The following SNAI3 variants were observed in gnomAD, a reference collection of about 807,000 sequenced individuals.
SNAI3 encodes zinc finger protein SNAI3.
In SNAI3, 21 loss-of-function variants were observed where a neutral mutation model predicts 16.4. The ratio of observed to expected loss-of-function variants is 1.28; its 90% CI spans 0.91 to 1.85. The LOEUF (loss-of-function observed/expected upper bound fraction) is 1.85, where lower values mean the gene tolerates loss of function less well. Among genes scored for constraint, SNAI3 ranks in the 40% most tolerant of loss-of-function variants. SNAI3 has a pLI of 0.00. For synonymous variants in SNAI3, 202 were observed against 166.6 expected, an observed-to-expected ratio of 1.21 and a Z score of -1.64; for missense variants, 457 against 372.8, an observed-to-expected ratio of 1.23 and a Z score of -1.86.
intron 2 of SNAI3, among the ~76,000 whole-genome samples, chr16:88,680,560 T>C (rs1437610911): frequency 6.6e-6 from 1 of 151,816 alleles, no homozygotes; most frequent in Non-Finnish European, 1.5e-5. Flanking sequence ...GCTGGGATTA[T>C]AGGCGTGAGC....
At position 88,678,494 on chromosome 16, in the gene SNAI3, GAC is replaced by G; in HGVS notation, c.831_832del (p.Met277IlefsTer7). 1.3e-6 allele frequency: 1 copy of G among 781,666 alleles called. No individual in the cohort carries two copies. The highest frequency in any genetic ancestry group is 1.3e-5 in the South Asian group (1 of 74,654). The allele number at this position is 781,666 out of a possible 1,614,324, so 48.4% of individuals were successfully genotyped here. A position where few individuals can be genotyped will look rare whatever the true frequency, so the allele number is the denominator to read the frequency against. ...AGACTCCTCATGCCGCGCCAGGAGG[GAC>G]ATGCGGGAGAAGGTCTTGGTGCAGC... is the stretch of plus-strand genomic sequence containing the variant. On this transcript the variant is annotated frameshift_variant, in exon 3 of 3. Transcript: ENST00000332281. LOFTEE classifies it low-confidence loss of function (END_TRUNC).
rs778704462 is a variant in SNAI3, at chr16:88,686,402, G to A, written c.5C>T (p.Pro2Leu). The A allele has an allele frequency of 5.0e-6, 8 of 1,610,842 alleles. No individual in the cohort carries two copies. Among genetic ancestry groups the A allele is most frequent in the Middle Eastern group, 1.6e-4 (1 of 6,084 alleles). The change falls in exon 1 of 3, where the codon CCG becomes CTG. Residue 2 changes from proline (P) to leucine (L), a missense_variant. Pro to Leu is a moderately conservative substitution (Grantham distance 98). Transcript: ENST00000332281. ...GTGCGTTTTCACCAGGAAGGAGCGC[G>A]GCATGTTCCCCTCCCGGGCGGCAGG... M[P>L]RSFLVKTHSS... is the part of the protein sequence containing the mutation.
At chr16:88,682,792 T>TTTTTTTTTTTTG (rs1555545991) in intron 1 of SNAI3, among the ~76,000 whole-genome samples, 1 of 119,502 alleles carries the variant, frequency 8.4e-6, no homozygotes, top group Admixed American at 9.2e-5. Context: ...TTTTTTTTTT[T>TTTTTTTTTTTTG]AGAGACGGAG....
intron 1 of SNAI3, among the ~76,000 whole-genome samples, chr16:88,682,762 ATTT>A (rs71158747): frequency 0.013 from 817 of 60,574 alleles, 16 homozygotes; most frequent in East Asian, 0.084. Context: ...TGGGCAAGGG[ATTT>A]TTTTTTTTTT....
At position 88,681,216 on chromosome 16, in the gene SNAI3, T is replaced by C; in HGVS notation, c.575A>G (p.Tyr192Cys). ...VFTCKYCDKEYTSLGALKMHI... is the reference protein window; with the variant it reads ...VFTCKYCDKECTSLGALKMHI... ...CATCTTGAGGGCACCCAGGCTGGTGTACTCCTTGTCGCAGTACTTGCAGGT... is the reference window on the plus strand; with the variant it reads ...CATCTTGAGGGCACCCAGGCTGGTGCACTCCTTGTCGCAGTACTTGCAGGT... The change falls in exon 2 of 3, where the codon TAC becomes TGC. Residue 192 changes from tyrosine (Y) to cysteine (C), a missense_variant. Transcript: ENST00000332281. The surrounding 1 kb of genome is among the most constrained non-coding windows in gnomAD (Gnocchi z 5.4). The C allele has an allele frequency of 1.2e-6, 2 of 1,613,790 alleles. No homozygotes were observed. The highest frequency in any genetic ancestry group is 1.7e-6 in the Non-Finnish European group (2 of 1,179,988).
chr16:88,680,976 C>A lies in SNAI3; in HGVS notation c.697+118G>T. The A allele has an allele frequency of 4.3e-6, 6 of 1,398,408 alleles. No homozygotes were observed. In the South Asian group the frequency reaches 8.4e-5, roughly 20 times the overall value. 86.6% of individuals were successfully genotyped at this position (1,398,408 alleles called of 1,614,324 possible). On this transcript the variant is annotated intron_variant, in intron 2 of 2. Transcript: ENST00000332281. The stretch of plus-strand genomic sequence containing the variant: ...GTACAGATAAGTCAAAAGGCAGAAG[C>A]TGAATGTGAATGCCCATGCTATTGT...
chr16:88,679,526 C>T (rs1001668554), intron 2 of SNAI3, among the ~76,000 whole-genome samples: 3 of 151,840 alleles, frequency 2.0e-5, no homozygotes, highest in Admixed American at 6.6e-5. Flanking sequence ...CTTTGGGAGG[C>T]CGAGGCGGGT....
intron 1 of SNAI3, among the ~76,000 whole-genome samples, chr16:88,684,930 T>C (rs1909304718): frequency 6.6e-6 from 1 of 152,088 alleles, no homozygotes; most frequent in Non-Finnish European, 1.5e-5. Context: ...GGCAGAAAGT[T>C]GCCAGGGCCC....
At position 88,678,609 on chromosome 16, in the gene SNAI3, A is replaced by G. The variant is rs756830843; in HGVS notation, c.718T>C (p.Ser240Pro). 100 of 1,179,278 alleles carry G rather than the reference A, an allele frequency of 8.5e-5. No homozygotes were observed. In the Middle Eastern group the frequency reaches 9.6e-4, roughly 11 times the overall value. The allele number at this position is 1,179,278 out of a possible 1,614,324, so 73.1% of individuals were successfully genotyped here. A position where few individuals can be genotyped will look rare whatever the true frequency, so the allele number is the denominator to read the frequency against. Residue 240 changes from serine (S) to proline (P), a missense_variant, in exon 3 of 3, where the codon TCG becomes CCG. By Grantham distance (74) the Ser-to-Pro change is moderately conservative (BLOSUM62 -1). Coordinates refer to ENST00000332281, the MANE Select transcript of SNAI3 (RefSeq NM_178310.4). ...TCGGCAAAGGCCCTGCTGCAGTGCG[A>G]GCAGGCATAGGGCTTCTCCCCTGTG... ...THTGEKPYAC[S>P]HCSRAFADRS...
At position 88,681,550 on chromosome 16, in the gene SNAI3, C is replaced by G; in HGVS notation, c.241G>C (p.Gly81Arg). The part of the protein sequence containing the change: ...PLLPRIEEAL[G>R]ASGLDALEVS... ...TCCAAGGCGTCCAGCCCAGAGGCCC[C>G]CAGAGCTTCCTCGATCCGTGGCAGG... Residue 81 changes from glycine (G) to arginine (R), a missense_variant, in exon 2 of 3, where the codon GGG (glycine) becomes CGG (arginine). Physicochemically the swap from Gly to Arg is moderately radical, Grantham distance 125. Transcript: ENST00000332281. The surrounding 1 kb of genome is among the most constrained non-coding windows in gnomAD (Gnocchi z 5.4). 6.6e-7 allele frequency: 1 copy of G among 1,512,936 alleles called. No homozygotes were observed. Among genetic ancestry groups the G allele is most frequent in the South Asian group, 1.3e-5 (1 of 75,406 alleles). The allele number at this position is 1,512,936 out of a possible 1,614,324, so 93.7% of individuals were successfully genotyped here.
chr16:88,682,411 C>T (rs1202888038), intron 1 of SNAI3, among the ~76,000 whole-genome samples: 1 of 152,238 alleles, frequency 6.6e-6, no homozygotes, highest in Non-Finnish European at 1.5e-5. Context: ...TTTCCTCTAT[C>T]TGGGGGCTGG....
chr16:88,685,700 TAGCCCAGCCTGCCC>T (rs1482598503), intron 1 of SNAI3: 5 of 152,538 alleles, frequency 3.3e-5, no homozygotes, highest in African/African-American at 1.2e-4. Context: ...TGCAGCCCTT[TAGCCCAGCCTGCCC>T]AGGCAAGCCT....
Position 88,682,762 on chromosome 16 carries a change from A to ATTTTTTTTTTTTTTTT in SNAI3, c.77-1064_77-1049dup, listed in dbSNP as rs71158747. The stretch of plus-strand genomic sequence containing the variant: ...AATACAATTTTAATATGGGCAAGGG[A>ATTTTTTTTTTTTTTTT]TTTTTTTTTTTTTTTTTTTTTTTTT... On this transcript the variant is annotated intron_variant, in intron 1 of 2. Coordinates refer to ENST00000332281, the MANE Select transcript of SNAI3 (RefSeq NM_178310.4). Among the ~76,000 whole-genome samples the ATTTTTTTTTTTTTTTT allele has an allele frequency of 8.4e-4, 51 of 60,696 alleles. 11 individuals carry two copies. The highest frequency in any genetic ancestry group is 1.9e-3 in the South Asian group (2 of 1,076). The allele number at this position is 60,696 out of a possible 152,430, so 39.8% of individuals were successfully genotyped here.
At chr16:88,683,507 G>A (rs1301159758) in intron 1 of SNAI3, among the ~76,000 whole-genome samples, 1 of 150,198 alleles carries the variant, frequency 6.7e-6, no homozygotes, top group South Asian at 2.1e-4. Flanking sequence ...GCCTGCATCA[G>A]CCTCCCAAAG....
rs1231190739 is a variant in SNAI3 at position 88,681,154 on chromosome 16, T to C, written c.637A>G (p.Ile213Val). The C allele has an allele frequency of 1.2e-6, 2 of 1,613,788 alleles. No individual in the cohort carries two copies. Among genetic ancestry groups the C allele is most frequent in the East Asian group, 4.5e-5 (2 of 44,870 alleles). ...GGCCTGGAGAAGGCCTTGCCACAGA[T>C]CTTGCAGGTGCAGGGCAGCGTGTGA... The part of the protein sequence containing the change: ...RTHTLPCTCK[I>V]CGKAFSRPWL... Residue 213 changes from isoleucine to valine, a missense_variant, in exon 2 of 3, where the codon ATC becomes GTC. Physicochemically the swap from Ile to Val is conservative, Grantham distance 29 (BLOSUM62 3). Transcript: ENST00000332281. This position sits in a 1 kb window ranked among gnomAD's most constrained non-coding sequence, Gnocchi z 5.4.
chr16:88,680,096 A>G (rs868796680), intron 2 of SNAI3, among the ~76,000 whole-genome samples: 7 of 151,716 alleles, frequency 4.6e-5, no homozygotes, highest in Non-Finnish European at 7.4e-5. Context: ...AAAAAAAAAA[A>G]AAAAAAAGTG....
intron 2 of SNAI3, among the ~76,000 whole-genome samples, chr16:88,680,599 GTTTTGTTT>G (rs1020329473): frequency 4.0e-5 from 6 of 150,738 alleles, no homozygotes; most frequent in Non-Finnish European, 7.4e-5. Context: ...TTTTTGTTTT[GTTTTGTTT>G]TTTTGTTTTG....
rs766676285 is a variant in SNAI3 at position 88,686,435 on chromosome 16, G to T, written c.-29C>A. 3.7e-6 allele frequency: 6 copies of T among 1,602,798 alleles called. No individual in the cohort carries two copies. The highest frequency in any genetic ancestry group is 2.2e-5 in the East Asian group (1 of 44,640). ...CCCCTCCCGGGCGGCAGGCCGGGGT[G>T]GGCTGGGGCGGGAGGGGCGCGCCTG... On this transcript the variant is annotated 5_prime_UTR_variant, in exon 1 of 3. Coordinates refer to ENST00000332281, the MANE Select transcript of SNAI3 (RefSeq NM_178310.4).
At chr16:88,686,287 A>G in intron 1 of SNAI3, 44 bp downstream of exon 1, 1 of 1,599,930 alleles carries the variant, frequency 6.3e-7, no homozygotes, top group Non-Finnish European at 8.5e-7. Context: ...CCCGCCCCTC[A>G]GGGTCGAGTC....
Sources: gnomAD v4.1 joint callset for allele counts (sites outside exome capture counted in the v4.1 genomes callset) on GRCh38, gnomAD v4.1.1 for gene constraint, Gnocchi (gnomAD v3.1) non-coding constraint, MANE v1.5 for transcripts, NCBI Gene and HGNC (gene_info 2026-07-23, HGNC 2026-07-21) for gene names.